CHD5: variants seen among roughly 807,000 people sequenced by gnomAD.
CHD5 encodes ATP-dependent chromatin remodeler CHD5.
In CHD5, 69 loss-of-function variants were observed where a neutral mutation model predicts 230.3. The ratio of observed to expected loss-of-function variants is 0.30; its 90% CI spans 0.25 to 0.37. The LOEUF (loss-of-function observed/expected upper bound fraction) is 0.37. CHD5 is among the 10% of genes least tolerant of loss of function. CHD5 has a pLI of 1.00. For missense variants in CHD5, 1,827 were observed against 2,622.8 expected (o/e 0.70, Z 6.63); for synonymous variants, 1,064 against 1,065.9 (o/e 1.00, Z 0.03).
At position 6,125,147 on chromosome 1, in the gene CHD5, G is replaced by A; in HGVS notation, c.4347C>T (p.Ser1449=). The change falls in exon 29 of 42, where the codon TCC becomes TCT. Residue 1449 remains serine, a synonymous_variant. Transcript: ENST00000262450. This position sits in a 1 kb window ranked among gnomAD's most constrained non-coding sequence, Gnocchi z 6.7. ...CTCGAAGGTCCCGCACCAGCCAGTG[G>A]GAGTTGAAGGCGTCCTGCGGGGGCA... ...WGMPPQDAFN[S]HWLVRDLRGK... is the part of the protein sequence containing the mutation. The A allele has an allele frequency of 1.9e-6, 3 of 1,606,202 alleles. No individual in the cohort carries two copies. The highest frequency in any genetic ancestry group is 2.5e-6 in the Non-Finnish European group (3 of 1,176,608).
At position 6,134,283 on chromosome 1, in the gene CHD5, G is replaced by A. The variant is rs757315017; in HGVS notation, c.3013-24C>T. 1.9e-6 allele frequency: 3 copies of A among 1,609,350 alleles called. No individual in the cohort carries two copies. Among genetic ancestry groups the A allele is most frequent in the South Asian group, 1.1e-5 (1 of 91,072 alleles). ...TCCTGCAGACACAGCAGGAGGTGGG[G>A]CATTGGTGGGCTCCCCTCTCCTCTC... is the stretch of plus-strand genomic sequence containing the variant. On this transcript the variant is annotated intron_variant, in intron 19 of 41. Transcript: ENST00000262450. This position sits in a 1 kb window ranked among gnomAD's most constrained non-coding sequence, Gnocchi z 6.3.
In CHD5 at chr1:6,126,745, T is replaced by A. The variant is rs1321012112; in HGVS notation, c.3905A>T (p.Glu1302Val). The A allele has an allele frequency of 1.2e-6, 2 of 1,612,700 alleles. No homozygotes were observed. Among genetic ancestry groups the A allele is most frequent in the Non-Finnish European group, 1.7e-6 (2 of 1,179,214 alleles). ...QYVVREEDGV[E>V]EVEREIIKQE... is the part of the protein sequence containing the mutation. ...CTTGATGATTTCCCGCTCCACCTCC[T>A]CCTGGGGACGCAGCACCACGGGTTC... The change falls in exon 26 of 42, where the codon GAG (glutamate) becomes GTG (valine). Residue 1302 changes from glutamate (E) to valine (V), a missense_variant and splice_region_variant. Physicochemically the swap from Glu to Val is moderately radical, Grantham distance 121. This residue lies in a region of CHD5 where 137 missense variants were observed against 272.7 expected (regional missense o/e 0.50). Transcript: ENST00000262450. This position sits in a 1 kb window ranked among gnomAD's most constrained non-coding sequence, Gnocchi z 5.7.
rs1667046509 is a variant in CHD5, at chr1:6,154,208, G to C, written c.745+452C>G. 6.6e-6 allele frequency among the ~76,000 whole-genome samples: 1 copy of C among 152,136 alleles called. No individual in the cohort carries two copies. The highest frequency in any genetic ancestry group is 2.4e-5 in the African/African-American group (1 of 41,420). On this transcript the variant is annotated intron_variant, in intron 5 of 41. Transcript: ENST00000262450. This position sits in a 1 kb window ranked among gnomAD's most constrained non-coding sequence, Gnocchi z 7.0. ...GGCCTGGAGAACAACCCTGCACACA[G>C]TGGGTATGCAGACAAGAAGAAGAGA...
intron 1 of CHD5, among the ~76,000 whole-genome samples, chr1:6,177,822 A>C (rs920743931): frequency 1.3e-5 from 2 of 152,184 alleles, no homozygotes; most frequent in African/African-American, 4.8e-5. Context: ...GGAGTGTTCC[A>C]GAAGCAGCAA....
intron 15 of CHD5, among the ~76,000 whole-genome samples, chr1:6,138,127 G>C (rs1666773075): frequency 6.6e-6 from 1 of 152,216 alleles, no homozygotes; most frequent in Admixed American, 6.5e-5. Flanking sequence ...TATAATCCCT[G>C]CACTTTGGGA....
intron 7 of CHD5, among the ~76,000 whole-genome samples, chr1:6,149,855 T>TGATGGATG (rs144731627): frequency 2.7e-5 from 4 of 148,756 alleles, no homozygotes; most frequent in South Asian, 2.2e-4. Flanking sequence ...AATGGACGGA[T>TGATGGATG]GATGGATGGA....
intron 7 of CHD5, 36 bp downstream of exon 7, chr1:6,150,996 C>A (rs768241722): frequency 1.1e-5 from 16 of 1,484,308 alleles, no homozygotes; most frequent in Non-Finnish European, 1.3e-5. Flanking sequence ...TACATCCACC[C>A]AGCAGGCCAA....
In CHD5 at chr1:6,129,138, A is replaced by ATGCTCT; in HGVS notation, c.3388-70_3388-69insAGAGCA. 2 of 1,093,446 alleles carry ATGCTCT rather than the reference A, an allele frequency of 1.8e-6. No homozygotes were observed. Among genetic ancestry groups the ATGCTCT allele is most frequent in the Non-Finnish European group, 2.7e-6 (2 of 737,942 alleles). The allele number at this position is 1,093,446 out of a possible 1,614,324, so 67.7% of individuals were successfully genotyped here. ...CCAGGCAATGGAGGAGATCACACCC[A>ATGCTCT]TGAGCTCAAGAGCATGGAATGGGCT... On this transcript the variant is annotated intron_variant, in intron 22 of 41. Coordinates refer to ENST00000262450, the MANE Select transcript of CHD5 (RefSeq NM_015557.3). The surrounding 1 kb of genome is among the most constrained non-coding windows in gnomAD (Gnocchi z 6.8).
chr1:6,140,967 A>AAATAATAAT lies in CHD5; in HGVS notation c.2436+1152_2436+1160dup, dbSNP rs60543576. 8.7e-3 allele frequency among the ~76,000 whole-genome samples: 1,223 copies of AAATAATAAT among 139,898 alleles called. 13 individuals carry two copies. The highest frequency in any genetic ancestry group is 0.014 in the African/African-American group (522 of 37,410). The allele number at this position is 139,898 out of a possible 152,430, so 91.8% of individuals were successfully genotyped here. ...GGTGACAGAGCGAGACCCTGTCTCA[A>AAATAATAAT]AATAATAATAATAATAATAATAATA... On this transcript the variant is annotated intron_variant, in intron 15 of 41. Coordinates refer to ENST00000262450, the MANE Select transcript of CHD5 (RefSeq NM_015557.3).
At chr1:6,113,291 CCATGCG>C (rs1326560980) in intron 33 of CHD5, 2 of 417,028 alleles carry the variant, frequency 4.8e-6, no homozygotes, top group Non-Finnish European at 9.1e-6. Flanking sequence ...GGGCTTGGCG[CCATGCG>C]CCTGTGGTCC....
chr1:6,109,546 C>T (rs1259792452), intron 38 of CHD5, among the ~76,000 whole-genome samples: 1 of 152,192 alleles, frequency 6.6e-6, no homozygotes, highest in Non-Finnish European at 1.5e-5. Flanking sequence ...TGTCACTAGC[C>T]CGGGCCGGGG....
Position 6,125,650 on chromosome 1 carries a change from C to T in CHD5, c.4172-38G>A, listed in dbSNP as rs1466986627. The T allele has an allele frequency of 6.2e-7, 1 of 1,611,598 alleles. No individual in the cohort carries two copies. The highest frequency in any genetic ancestry group is 8.5e-7 in the Non-Finnish European group (1 of 1,177,850). ...CCGCCACAGTTCCTCAGGTGGGAGC[C>T]CAGAGATTCCTGATCCCCAAGGACA... On this transcript the variant is annotated intron_variant, in intron 27 of 41. Transcript: ENST00000262450. This position sits in a 1 kb window ranked among gnomAD's most constrained non-coding sequence, Gnocchi z 6.7.
intron 36 of CHD5, among the ~76,000 whole-genome samples, chr1:6,110,805 T>C (rs1161794550): frequency 6.6e-6 from 1 of 152,196 alleles, no homozygotes; most frequent in Non-Finnish European, 1.5e-5. Flanking sequence ...TACGTTTAAG[T>C]CTTGCCCCCA....
chr1:6,155,887 C>T lies in CHD5; in HGVS notation c.388-170G>A, dbSNP rs1407999883. On this transcript the variant is annotated intron_variant, in intron 3 of 41. Coordinates refer to ENST00000262450, the MANE Select transcript of CHD5 (RefSeq NM_015557.3). This position sits in a 1 kb window ranked among gnomAD's most constrained non-coding sequence, Gnocchi z 4.0. ...CCTAGGAAACATTCAAGCCCTGCAGCCCCGCAGCCCCGCAGCCCCCAATCT... is the reference window on the plus strand; with the variant it reads ...CCTAGGAAACATTCAAGCCCTGCAGTCCCGCAGCCCCGCAGCCCCCAATCT... Among the ~76,000 whole-genome samples, 1 of 152,182 alleles carries T rather than the reference C, an allele frequency of 6.6e-6. No homozygotes were observed. The highest frequency in any genetic ancestry group is 1.5e-5 in the Non-Finnish European group (1 of 68,022).
rs201312967 is a variant in CHD5, at chr1:6,121,260, A to G, written c.4780-23T>C. On this transcript the variant is annotated intron_variant, in intron 32 of 41. Coordinates refer to ENST00000262450, the MANE Select transcript of CHD5 (RefSeq NM_015557.3). This position sits in a 1 kb window ranked among gnomAD's most constrained non-coding sequence, Gnocchi z 4.5. ...GGCCTGCAGAGGAAAAGCCAGGAGA[A>G]CTACAAGGCCTGGGGCCTCACCAGG... 2.5e-6 allele frequency: 4 copies of G among 1,601,396 alleles called. No individual in the cohort carries two copies. The highest frequency in any genetic ancestry group is 3.4e-6 in the Non-Finnish European group (4 of 1,175,464).
At chr1:6,137,032 A>G (rs17436753) in intron 15 of CHD5, among the ~76,000 whole-genome samples, 167 bp from the exon 16 acceptor site, 63,695 of 151,654 alleles carry the variant, frequency 0.42, 14,177 homozygotes, top group East Asian at 0.81. Context: ...ACCACCAAGC[A>G]GAGGGGCATC....
At position 6,147,708 on chromosome 1, in the gene CHD5, C is replaced by T. The variant is rs189814513; in HGVS notation, c.1384-837G>A. On this transcript the variant is annotated intron_variant, in intron 9 of 41. Transcript: ENST00000262450. Reference sequence around the variant, plus strand: ...AAGCCTCCAGAGCCTGCTTTCCCATCTGTAAAATGGCCCACCCCTTCCTCC... The same window carrying T: ...AAGCCTCCAGAGCCTGCTTTCCCATTTGTAAAATGGCCCACCCCTTCCTCC... 7.3e-4 allele frequency among the ~76,000 whole-genome samples: 111 copies of T among 152,336 alleles called. 2 individuals are homozygous for T. The highest frequency in any genetic ancestry group is 2.5e-3 in the African/African-American group (105 of 41,566).
At chr1:6,144,602 G>A (rs905714920) in intron 11 of CHD5, among the ~76,000 whole-genome samples, 2 of 152,270 alleles carry the variant, frequency 1.3e-5, no homozygotes, top group Non-Finnish European at 2.9e-5. Context: ...TCTCTGCAAA[G>A]TAGATAAGGA....
rs1409712892 is a variant in CHD5, at chr1:6,130,657, C to CA, written c.3263-330dup. On this transcript the variant is annotated intron_variant, in intron 21 of 41. Coordinates refer to ENST00000262450, the MANE Select transcript of CHD5 (RefSeq NM_015557.3). The surrounding 1 kb of genome is among the most constrained non-coding windows in gnomAD (Gnocchi z 4.9). ...AGTACAAGCAGAGCCCTAGAGAGCT[C>CA]AGAGTCCTTCATGTCCCCGCAGCTT... 4.6e-5 allele frequency among the ~76,000 whole-genome samples: 7 copies of CA among 152,190 alleles called. No homozygotes were observed. The highest frequency in any genetic ancestry group is 9.7e-5 in the African/African-American group (4 of 41,442).
Sources: allele counts gnomAD v4.1 joint callset (sites outside exome capture counted in the v4.1 genomes callset), GRCh38; gene constraint gnomAD v4.1.1; regional missense constraint gnomAD v4.1.1; non-coding constraint Gnocchi (gnomAD v3.1); transcripts MANE v1.5; gene names NCBI Gene and HGNC (gene_info 2026-07-23, HGNC 2026-07-21).